CFAP92: variants seen among roughly 807,000 people sequenced by gnomAD.
The protein encoded by CFAP92 is uncharacterized protein CFAP92.
CFAP92 carries 86 observed loss-of-function variants against 106.3 expected under a neutral mutation model. The ratio of observed to expected loss-of-function variants is 0.81; its 90% CI spans 0.68 to 0.97. The LOEUF is 0.97. CFAP92 is among the 50% of genes least tolerant of loss of function. The pLI is 0.00. For missense variants in CFAP92, 1,204 were observed against 1,283.8 expected (o/e 0.94, Z 0.95); for synonymous variants, 477 against 506.4 (o/e 0.94, Z 0.78).
intron 10 of CFAP92, among the ~76,000 whole-genome samples, chr3:128,943,073 C>A (rs567699569): frequency 2.9e-4 from 43 of 149,196 alleles, no homozygotes; most frequent in Middle Eastern, 6.8e-3. Context: ...GCACACGCCA[C>A]CACAGCCTGG....
At chr3:128,912,882 T>G (rs1936503065) in intron 15 of CFAP92, 1 of 604,358 alleles carries the variant, frequency 1.7e-6, no homozygotes, top group South Asian at 1.4e-5. Context: ...TTCTGGTCAT[T>G]GAGGAGACAC....
chr3:128,957,566 A>AT (rs1474576905), intron 9 of CFAP92, among the ~76,000 whole-genome samples: 3 of 152,244 alleles, frequency 2.0e-5, no homozygotes, highest in African/African-American at 7.2e-5. Flanking sequence ...GAAAGCAGGA[A>AT]TAAAAACCAA....
chr3:128,931,267 A>G (rs777044524), intron 12 of CFAP92, among the ~76,000 whole-genome samples: 4 of 151,818 alleles, frequency 2.6e-5, no homozygotes, highest in South Asian at 2.1e-4. Flanking sequence ...GCTCACTGCA[A>G]CCTGTGCTTC....
chr3:128,986,713 T>C (rs1943877816), intron 4 of CFAP92, among the ~76,000 whole-genome samples: 1 of 152,124 alleles, frequency 6.6e-6, no homozygotes, highest in South Asian at 2.1e-4. Context: ...ACTAGTTATT[T>C]TTCCTTTTTT....
At position 128,910,091 on chromosome 3, in the gene CFAP92, C is replaced by G. The variant is rs375541221; in HGVS notation, c.*208G>C. On this transcript the variant is annotated 3_prime_UTR_variant, in exon 16 of 16. Coordinates refer to ENST00000645291, the MANE Select transcript of CFAP92 (RefSeq NM_001394090.1). ...CTCATCAACCTGTATGGCATGACGG[C>G]CGTGCTGTCGCGGGCCAGCCGCTCC... 2.3e-4 allele frequency: 368 copies of G among 1,613,780 alleles called. No homozygotes were observed. Among genetic ancestry groups the G allele is most frequent in the Non-Finnish European group, 3.0e-4 (355 of 1,180,008 alleles).
At chr3:128,969,600 T>C (rs549451076) in intron 8 of CFAP92, 2 of 149,642 alleles carry the variant, frequency 1.3e-5, no homozygotes, top group African/African-American at 4.9e-5. Context: ...GAGGGGACCA[T>C]GTCCTGGCTT....
At chr3:128,915,723 ATAT>A (rs572342133) in intron 13 of CFAP92, among the ~76,000 whole-genome samples, 160 bp from the exon 14 acceptor site, 4 of 152,212 alleles carry the variant, frequency 2.6e-5, no homozygotes, top group Non-Finnish European at 5.9e-5. Context: ...TGTAAGGGAC[ATAT>A]TATTGTCCCC....
intron 12 of CFAP92, among the ~76,000 whole-genome samples, chr3:128,923,416 C>T (rs1937462733): frequency 1.3e-5 from 2 of 152,226 alleles, no homozygotes; most frequent in African/African-American, 4.8e-5. Context: ...AGGGGCACAA[C>T]AGATGCTTAA....
chr3:128,914,478 G>T (rs944343704), intron 15 of CFAP92, among the ~76,000 whole-genome samples: 1 of 152,344 alleles, frequency 6.6e-6, no homozygotes, highest in East Asian at 1.9e-4. Context: ...ACGTTCACCT[G>T]ACCTAGTTTT....
chr3:128,985,424 C>T (rs571527940), intron 4 of CFAP92, among the ~76,000 whole-genome samples: 9 of 152,326 alleles, frequency 5.9e-5, no homozygotes, highest in African/African-American at 2.2e-4. Context: ...ATGATCACAT[C>T]ACTGTACTCC....
chr3:128,948,926 A>C (rs189694961), intron 9 of CFAP92, among the ~76,000 whole-genome samples: 294 of 152,372 alleles, frequency 1.9e-3, no homozygotes, highest in South Asian at 5.4e-3. Context: ...AATTTCACCA[A>C]ATGGGATGTA....
chr3:129,010,181 G>A, the CFAP92 span, among the ~76,000 whole-genome samples: 4 of 152,240 alleles, frequency 2.6e-5, no homozygotes, highest in Non-Finnish European at 5.9e-5. The surrounding 1 kb of genome is among the most constrained non-coding windows in gnomAD (Gnocchi z 4.3). Flanking sequence ...CTGCCTTGAG[G>A]GGTCCCCCTT....
exon 1 of CFAP92, chr3:129,002,622 C>T (rs1009543804): frequency 4.4e-6 from 2 of 455,586 alleles, no homozygotes; most frequent in Admixed American, 4.4e-5. Flanking sequence ...CCCCTTTAAC[C>T]TAGGAATTGC....
chr3:129,023,514 A>T, the CFAP92 span, among the ~76,000 whole-genome samples: 15 of 152,054 alleles, frequency 9.9e-5, no homozygotes, highest in Admixed American at 2.0e-4. Context: ...TTGTATTTTT[A>T]GTAGAGACGA....
Position 128,915,264 on chromosome 3 carries a change from T to G in CFAP92, c.3135A>C (p.Glu1045Asp). Residue 1045 changes from glutamate to aspartate, a missense_variant, in exon 15 of 16, where the codon GAA becomes GAC. Coordinates refer to ENST00000645291, the MANE Select transcript of CFAP92 (RefSeq NM_001394090.1). ...PIKELNEEWKENSLFANVLEP... is the reference protein window; with the variant it reads ...PIKELNEEWKDNSLFANVLEP... ...CCAGTACATTAGCAAACAGGGAGTT[T>G]TCCTTCCACTCCTAAATTGGGGGAG... The G allele has an allele frequency of 6.5e-7, 1 of 1,536,162 alleles. No individual in the cohort carries two copies. The highest frequency in any genetic ancestry group is 1.2e-5 in the South Asian group (1 of 84,066).
At chr3:128,992,525 G>A (rs1042085489) in intron 2 of CFAP92, among the ~76,000 whole-genome samples, 1 of 152,140 alleles carries the variant, frequency 6.6e-6, no homozygotes, top group East Asian at 1.9e-4. Flanking sequence ...TCGCACCACT[G>A]CACTCCAGCC....
At chr3:128,924,900 CTTT>C (rs1399946539) in intron 12 of CFAP92, among the ~76,000 whole-genome samples, 1 of 152,154 alleles carries the variant, frequency 6.6e-6, no homozygotes, top group Non-Finnish European at 1.5e-5. Flanking sequence ...CCACCTGCTT[CTTT>C]GTTTGATCAC....
At chr3:129,007,945 T>G in the CFAP92 span, among the ~76,000 whole-genome samples, 32 of 152,360 alleles carry the variant, frequency 2.1e-4, no homozygotes, top group East Asian at 6.0e-3. Context: ...CTTCCTGAGA[T>G]GTTTTACACC....
At chr3:128,987,304 T>C (rs577394059) in intron 4 of CFAP92, among the ~76,000 whole-genome samples, 5 of 152,182 alleles carry the variant, frequency 3.3e-5, no homozygotes, top group African/African-American at 1.2e-4. Context: ...TCTAAGTTTG[T>C]TTTTTGTTTT....
Sources: allele counts gnomAD v4.1 joint callset (sites outside exome capture counted in the v4.1 genomes callset), GRCh38; gene constraint gnomAD v4.1.1; non-coding constraint Gnocchi (gnomAD v3.1); transcripts MANE v1.5; gene names NCBI Gene and HGNC (gene_info 2026-07-23, HGNC 2026-07-21).